Variants in UNC13C observed in about 807,000 individuals in gnomAD.
UNC13C encodes unc-13 homolog C, also known as protein unc-13 homolog C.
UNC13C carries 174 observed loss-of-function variants against 245.4 expected under a neutral mutation model. The observed-to-expected ratio is 0.71, with a 90% CI of 0.63 to 0.80. UNC13C has a LOEUF of 0.80. Ranked by LOEUF, UNC13C falls within the 30% of genes least tolerant of loss-of-function variation. The probability of loss-of-function intolerance (pLI) is 0.00; values close to 1 mark genes in which losing one functional copy is unlikely to be tolerated. For missense variants in UNC13C, 2,829 were observed against 2,602.9 expected, an observed-to-expected ratio of 1.09 and a Z score of -1.89; for synonymous variants, 992 against 895.1, an observed-to-expected ratio of 1.11 and a Z score of -1.93.
At chr15:54,431,007 C>G (rs181896892) in intron 19 of UNC13C, among the ~76,000 whole-genome samples, 4 of 151,896 alleles carry the variant, frequency 2.6e-5, no homozygotes, top group Admixed American at 2.6e-4. Flanking sequence ...ACACCCAAAG[C>G]AGTTACATTA....
intron 18 of UNC13C, among the ~76,000 whole-genome samples, chr15:54,413,668 T>C (rs1188735842): frequency 6.6e-6 from 1 of 152,200 alleles, no homozygotes; most frequent in Non-Finnish European, 1.5e-5. Context: ...TGGCAGTCAG[T>C]AAGGGAAACT....
intron 1 of UNC13C, among the ~76,000 whole-genome samples, chr15:53,999,045 A>G (rs1894763147): frequency 6.6e-6 from 1 of 151,962 alleles, no homozygotes; most frequent in South Asian, 2.1e-4. Context: ...CATGAGGGAT[A>G]CTAATCTGAA....
intron 2 of UNC13C, among the ~76,000 whole-genome samples, chr15:54,062,932 A>G (rs1039489487): frequency 6.6e-6 from 1 of 152,166 alleles, no homozygotes; most frequent in African/African-American, 2.4e-5. Flanking sequence ...TGAGAGACAC[A>G]GTTGTAATTA....
At position 54,264,271 on chromosome 15, in the gene UNC13C, A is replaced by G. The variant is rs1169221892; in HGVS notation, c.3552A>G (p.Glu1184=). Residue 1184 remains glutamate, a synonymous_variant, in exon 9 of 33, where the codon GAA becomes GAG. Transcript: ENST00000260323. ...RMKIREKNRP[E]VFEVIQEMFQ... ...AGATCAGGGAGAAAAACCGGCCAGA[A>G]GTATTTGAAGTAATCCAGGAAATGT... The G allele has an allele frequency of 6.3e-7, 1 of 1,599,134 alleles. No individual in the cohort carries two copies. The highest frequency in any genetic ancestry group is 2.2e-5 in the East Asian group (1 of 44,534).
At chr15:54,229,681 GTTATGAAC>G (rs2035494419) in intron 4 of UNC13C, among the ~76,000 whole-genome samples, 3 of 152,052 alleles carry the variant, frequency 2.0e-5, no homozygotes, top group Admixed American at 2.0e-4. Context: ...ACAGTATATT[GTTATGAAC>G]TATATTCACC....
chr15:53,839,527 T>C, the UNC13C span, among the ~76,000 whole-genome samples: 14 of 152,134 alleles, frequency 9.2e-5, no homozygotes, highest in Admixed American at 7.9e-4. Context: ...CTTTACTAAT[T>C]TTCATCATTT....
intron 2 of UNC13C, among the ~76,000 whole-genome samples, chr15:54,035,808 C>T (rs1366999398): frequency 7.2e-5 from 11 of 151,962 alleles, no homozygotes; most frequent in Admixed American, 7.2e-4. Context: ...TCCAAAAAGC[C>T]GAGCCACTTA....
intron 17 of UNC13C, among the ~76,000 whole-genome samples, chr15:54,372,122 T>C (rs1265061849): frequency 6.6e-6 from 1 of 152,124 alleles, no homozygotes; most frequent in Non-Finnish European, 1.5e-5. Flanking sequence ...AGCATTATAG[T>C]ATGTGAGGTA....
chr15:53,966,544 T>C, the UNC13C span, among the ~76,000 whole-genome samples: 2 of 152,166 alleles, frequency 1.3e-5, no homozygotes, highest in Non-Finnish European at 2.9e-5. Context: ...ACATTTATGG[T>C]TCATATTTTC....
At chr15:54,613,769 A>G (rs548740464) in intron 30 of UNC13C, among the ~76,000 whole-genome samples, 70 of 152,124 alleles carry the variant, frequency 4.6e-4, no homozygotes, top group African/African-American at 1.7e-3. Context: ...TATCTTTTAA[A>G]TAATATTCTC....
At chr15:53,876,576 A>C in the UNC13C span, among the ~76,000 whole-genome samples, 1 of 152,206 alleles carries the variant, frequency 6.6e-6, no homozygotes, top group Non-Finnish European at 1.5e-5. Flanking sequence ...CCATCTTGGA[A>C]ATCAAAACAG....
chr15:53,962,597 G>A, the UNC13C span, among the ~76,000 whole-genome samples: 6 of 152,118 alleles, frequency 3.9e-5, no homozygotes, highest in African/African-American at 1.2e-4. Context: ...GTACCAAACA[G>A]TGACAGTCCA....
At chr15:54,191,365 G>A (rs2034175567) in intron 4 of UNC13C, among the ~76,000 whole-genome samples, 2 of 152,068 alleles carry the variant, frequency 1.3e-5, no homozygotes, top group Admixed American at 6.6e-5. Context: ...CCATGTCCCT[G>A]TAAAGGACAT....
intron 4 of UNC13C, among the ~76,000 whole-genome samples, chr15:54,184,522 G>C (rs988693441): frequency 6.6e-6 from 1 of 152,134 alleles, no homozygotes; most frequent in Non-Finnish European, 1.5e-5. Flanking sequence ...GCAGTGTTTG[G>C]TTTTTTGTCC....
chr15:53,875,020 G>A, the UNC13C span, among the ~76,000 whole-genome samples: 1 of 152,116 alleles, frequency 6.6e-6, no homozygotes, highest in Non-Finnish European at 1.5e-5. Flanking sequence ...ATGAACCCGG[G>A]AGGTGGAGGT....
At chr15:54,392,940 T>C (rs2039988426) in intron 17 of UNC13C, 108 bp from the exon 18 acceptor site, 5 of 1,316,576 alleles carry the variant, frequency 3.8e-6, no homozygotes, top group Middle Eastern at 2.0e-4. Flanking sequence ...ATAATCTAAG[T>C]TTCATTTCCA....
intron 30 of UNC13C, among the ~76,000 whole-genome samples, chr15:54,592,735 C>T (rs909705166): frequency 6.6e-6 from 1 of 152,050 alleles, no homozygotes; most frequent in Admixed American, 6.5e-5. Context: ...TTTGTGAGTT[C>T]TTATCCGTTC....
At chr15:54,040,852 A>G (rs1309108671) in intron 2 of UNC13C, among the ~76,000 whole-genome samples, 1 of 152,154 alleles carries the variant, frequency 6.6e-6, no homozygotes, top group Non-Finnish European at 1.5e-5. Flanking sequence ...TCACTTGGCT[A>G]AATCCTCTAC....
intron 4 of UNC13C, among the ~76,000 whole-genome samples, chr15:54,224,123 T>G (rs1035796085): frequency 1.7e-4 from 26 of 152,116 alleles, no homozygotes; most frequent in African/African-American, 6.3e-4. Flanking sequence ...TTAGTTGCAC[T>G]TTATATCTTT....
Sources: gnomAD v4.1 joint callset for allele counts (sites outside exome capture counted in the v4.1 genomes callset) on GRCh38, gnomAD v4.1.1 for gene constraint, MANE v1.5 for transcripts, NCBI Gene and HGNC (gene_info 2026-07-23, HGNC 2026-07-21) for gene names.